MAML2: variants seen among roughly 807,000 people sequenced by gnomAD.
MAML2 encodes the protein mastermind-like protein 2.
In MAML2, 22 loss-of-function variants were observed where a neutral mutation model predicts 96.1. The observed-to-expected ratio is 0.23, with a 90% CI of 0.16 to 0.33. The LOEUF (loss-of-function observed/expected upper bound fraction) is 0.33. MAML2 is among the 10% of genes least tolerant of loss of function. The pLI is 1.00. For missense variants in MAML2, 1,367 were observed against 1,392.4 expected (o/e 0.98, Z 0.29); for synonymous variants, 561 against 521.3 (o/e 1.08, Z -1.04).
At chr11:96,086,712 T>A (rs1859621267) in intron 2 of MAML2, among the ~76,000 whole-genome samples, 1 of 152,140 alleles carries the variant, frequency 6.6e-6, no homozygotes, top group Admixed American at 6.5e-5. Context: ...AGGCACACAA[T>A]AAATATGTTT....
intron 1 of MAML2, among the ~76,000 whole-genome samples, chr11:96,241,793 C>G (rs950086191): frequency 3.3e-5 from 5 of 152,130 alleles, no homozygotes; most frequent in African/African-American, 1.2e-4. Context: ...TTAGGTTAGA[C>G]TTGTGGAAGT....
intron 2 of MAML2, among the ~76,000 whole-genome samples, chr11:96,077,842 T>G (rs1859468332): frequency 6.6e-6 from 1 of 152,200 alleles, no homozygotes; most frequent in Admixed American, 6.5e-5. Flanking sequence ...CTCAAAACTA[T>G]TATATCTTGA....
intron 1 of MAML2, among the ~76,000 whole-genome samples, chr11:96,178,227 G>A (rs1463212227): frequency 1.3e-5 from 2 of 152,090 alleles, no homozygotes; most frequent in South Asian, 2.1e-4. Context: ...ACAGTTTTAT[G>A]AGGAGGATCA....
chr11:96,115,952 G>A (rs1348952257), intron 1 of MAML2, among the ~76,000 whole-genome samples: 1 of 152,162 alleles, frequency 6.6e-6, no homozygotes, highest in East Asian at 1.9e-4. Flanking sequence ...TGAACCTGAA[G>A]AGCTATCTCA....
intron 2 of MAML2, among the ~76,000 whole-genome samples, chr11:96,012,137 G>C (rs1370354892): frequency 3.9e-5 from 6 of 152,162 alleles, no homozygotes; most frequent in Non-Finnish European, 8.8e-5. Flanking sequence ...AGCTGCAGTA[G>C]CATTTGGTAA....
chr11:96,021,606 T>C (rs1256463423), intron 2 of MAML2, among the ~76,000 whole-genome samples: 2 of 152,212 alleles, frequency 1.3e-5, no homozygotes, highest in Non-Finnish European at 2.9e-5. Flanking sequence ...TGCTAGCCAC[T>C]TGAGGACTCG....
intron 1 of MAML2, among the ~76,000 whole-genome samples, chr11:96,260,215 C>T (rs2135972728): frequency 6.6e-6 from 1 of 151,986 alleles, no homozygotes; most frequent in South Asian, 2.1e-4. Context: ...AGCAAACTGG[C>T]AGACTCTAGA....
chr11:96,231,135 G>T (rs1222192068), intron 1 of MAML2, among the ~76,000 whole-genome samples: 4 of 151,812 alleles, frequency 2.6e-5, no homozygotes, highest in Admixed American at 2.6e-4. Context: ...ATATATAGGG[G>T]GTTTTAATAA....
In MAML2 at chr11:96,122,778, G is replaced by A. The variant is rs1047076952; in HGVS notation, c.514-29261C>T. On this transcript the variant is annotated intron_variant, in intron 1 of 4. Transcript: ENST00000524717. ...TACCATTCTTTACATGCCCAGTCTC[G>A]TTCTCAGAAAGCCCCATGTAAGTGA... Among the ~76,000 whole-genome samples the A allele has an allele frequency of 1.1e-4, 16 of 152,266 alleles. No individual in the cohort carries two copies. In the East Asian group the frequency reaches 1.4e-3, roughly 13 times the overall value.
intron 1 of MAML2, among the ~76,000 whole-genome samples, chr11:96,277,733 C>CA (rs55970384): frequency 0.012 from 881 of 72,996 alleles, 8 homozygotes; most frequent in Middle Eastern, 0.033. Flanking sequence ...CACTCTGCCT[C>CA]AAAAAAAAAA....
intron 2 of MAML2, among the ~76,000 whole-genome samples, chr11:96,080,550 A>G (rs1455285624): frequency 6.6e-6 from 1 of 152,230 alleles, no homozygotes; most frequent in African/African-American, 2.4e-5. Flanking sequence ...CTGATGAGTC[A>G]AGGTAAAATC....
chr11:96,105,421 A>G (rs1450207376), intron 1 of MAML2, among the ~76,000 whole-genome samples: 3 of 152,230 alleles, frequency 2.0e-5, no homozygotes, highest in African/African-American at 7.2e-5. Context: ...CAGGACTGCA[A>G]TGTGTTAACT....
intron 1 of MAML2, among the ~76,000 whole-genome samples, chr11:96,209,081 C>G (rs962945056): frequency 1.3e-5 from 2 of 152,074 alleles, no homozygotes; most frequent in Non-Finnish European, 2.9e-5. Flanking sequence ...TGAAGTACCC[C>G]TAAGAATTTG....
chr11:96,203,449 T>C (rs1253875197), intron 1 of MAML2, among the ~76,000 whole-genome samples: 1 of 152,230 alleles, frequency 6.6e-6, no homozygotes, highest in Non-Finnish European at 1.5e-5. Context: ...TGCAAAATGT[T>C]TGTTGTCAGA....
intron 1 of MAML2, among the ~76,000 whole-genome samples, chr11:96,305,046 A>G (rs1863444939): frequency 6.6e-6 from 1 of 152,228 alleles, no homozygotes. Flanking sequence ...CAACTTCTCA[A>G]TGCAAAAACT....
At chr11:96,227,555 T>C (rs926358371) in intron 1 of MAML2, among the ~76,000 whole-genome samples, 6 of 152,172 alleles carry the variant, frequency 3.9e-5, no homozygotes, top group Non-Finnish European at 7.3e-5. Flanking sequence ...AAGTTAAACA[T>C]ATTTCAGTAC....
At chr11:96,271,601 C>A (rs1184332697) in intron 1 of MAML2, among the ~76,000 whole-genome samples, 1 of 152,158 alleles carries the variant, frequency 6.6e-6, no homozygotes, top group Non-Finnish European at 1.5e-5. Flanking sequence ...GCTTTTCCCC[C>A]ACTTTGCTCT....
chr11:96,092,130 C>T lies in MAML2; in HGVS notation c.1901G>A (p.Ser634Asn), dbSNP rs369187893. ...CTGCTGCTGTTGGGCTGAAATTGAGCTCTGCTGCTGTTGCTGTTGTTGAGC... is the reference window on the plus strand; with the variant it reads ...CTGCTGCTGTTGGGCTGAAATTGAGTTCTGCTGCTGTTGCTGTTGTTGAGC... ...ISAQQQQQQQ[S>N]SISAQQQQQQ... is the part of the protein sequence containing the mutation. The change falls in exon 2 of 5, where the codon AGC (serine) becomes AAC (asparagine). Residue 634 changes from serine (S) to asparagine (N), a missense_variant. By Grantham distance (46) the Ser-to-Asn change is conservative. Coordinates refer to ENST00000524717, the MANE Select transcript of MAML2 (RefSeq NM_032427.4). This position sits in a 1 kb window ranked among gnomAD's most constrained non-coding sequence, Gnocchi z 4.1. 338 of 1,536,556 alleles carry T rather than the reference C, an allele frequency of 2.2e-4. No individual in the cohort carries two copies. Among genetic ancestry groups the T allele is most frequent in the Non-Finnish European group, 2.8e-4 (321 of 1,142,294 alleles).
intron 1 of MAML2, among the ~76,000 whole-genome samples, chr11:96,328,992 G>C (rs1863820410): frequency 6.6e-6 from 1 of 152,044 alleles, no homozygotes; most frequent in Admixed American, 6.6e-5. Flanking sequence ...GTATATATGA[G>C]AAATAGATAG....
Sources: allele counts gnomAD v4.1 joint callset (sites outside exome capture counted in the v4.1 genomes callset), GRCh38; gene constraint gnomAD v4.1.1; non-coding constraint Gnocchi (gnomAD v3.1); transcripts MANE v1.5; gene names NCBI Gene and HGNC (gene_info 2026-07-23, HGNC 2026-07-21).